The following AMZ2 variants were observed in gnomAD, a reference collection of about 807,000 sequenced individuals.
The protein encoded by AMZ2 is archaelysin family metallopeptidase 2, also known as archaemetzincin-2.
In AMZ2, 26 loss-of-function variants were observed where a neutral mutation model predicts 36.7. That is an observed-to-expected ratio of 0.71 (90% CI 0.52 to 0.98). AMZ2 has a LOEUF of 0.98. Among genes scored for constraint, AMZ2 ranks in the 50% least tolerant of loss-of-function variants. The pLI, the probability that AMZ2 is intolerant of heterozygous loss-of-function variation, is 0.00. For synonymous variants in AMZ2, 144 were observed against 149.1 expected, an observed-to-expected ratio of 0.97 and a Z score of 0.25; for missense variants, 394 against 430.5, an observed-to-expected ratio of 0.92 and a Z score of 0.75.
intron 1 of AMZ2, among the ~76,000 whole-genome samples, chr17:68,231,180 C>T (rs1254566197): frequency 2.6e-5 from 4 of 152,222 alleles, no homozygotes; most frequent in Non-Finnish European, 5.9e-5. Context: ...CCTCCTACCT[C>T]AGCCTCCCGA....
intron 1 of AMZ2, among the ~76,000 whole-genome samples, chr17:68,232,120 T>TA (rs34203351): frequency 0.027 from 2,748 of 100,278 alleles, 79 homozygotes; most frequent in African/African-American, 0.085. Flanking sequence ...CTGAAGTTTG[T>TA]AAAAAAAAAA....
At position 68,220,972 on chromosome 17, in the gene AMZ2, C is replaced by A. The variant is rs190583973; in HGVS notation, c.-67+14734C>A. Among the ~76,000 whole-genome samples the A allele has an allele frequency of 2.2e-3, 332 of 152,000 alleles. 1 individual carries two copies. The highest frequency in any genetic ancestry group is 6.8e-3 in the Middle Eastern group (2 of 294). ...TAATTTTTGTATTCTTTAGTAGAGA[C>A]AAGGTTTCTCCATGTTGGCCAGGCT... On this transcript the variant is annotated intron_variant, in intron 1 of 7. Coordinates refer to the AMZ2 transcript ENST00000674770.
In AMZ2 at chr17:68,235,727, C is replaced by T. The variant is rs150795979; in HGVS notation, c.-66-12913C>T. ...CAGGTGCCAGGAGCAGCGTGTGCCACGTGTGACCCTGCTCTGCTGTGGCTT... is the reference window on the plus strand; with the variant it reads ...CAGGTGCCAGGAGCAGCGTGTGCCATGTGTGACCCTGCTCTGCTGTGGCTT... On this transcript the variant is annotated intron_variant, in intron 1 of 7. Coordinates refer to the AMZ2 transcript ENST00000674770. The surrounding 1 kb of genome is among the most constrained non-coding windows in gnomAD (Gnocchi z 4.2). Among the ~76,000 whole-genome samples, 38 of 152,336 alleles carry T rather than the reference C, an allele frequency of 2.5e-4. No homozygotes were observed. Among genetic ancestry groups the T allele is most frequent in the Non-Finnish European group, 1.9e-4 (13 of 68,030 alleles).
At chr17:68,206,147 C>A in exon 1 of AMZ2, 1 of 1,306,784 alleles carries the variant, frequency 7.7e-7, no homozygotes, top group South Asian at 3.2e-5. Context: ...AGGCTGATTC[C>A]GATTATCTGG....
At chr17:68,254,762 A>G (rs184810904) in intron 5 of AMZ2, among the ~76,000 whole-genome samples, 195 bp downstream of exon 5, 215 of 152,370 alleles carry the variant, frequency 1.4e-3, no homozygotes, top group Non-Finnish European at 2.7e-3. Context: ...TTACAATATC[A>G]GTGCCAGTTT....
At chr17:68,221,723 G>A (rs1490287969) in intron 1 of AMZ2, among the ~76,000 whole-genome samples, 1 of 132,694 alleles carries the variant, frequency 7.5e-6, no homozygotes, top group Admixed American at 7.6e-5. Flanking sequence ...GCAAGACTCT[G>A]TCTTAAAAAA....
Position 68,209,342 on chromosome 17 carries a change from C to T in AMZ2, c.-67+3104C>T, listed in dbSNP as rs2072945841. On this transcript the variant is annotated intron_variant, in intron 1 of 7. Transcript: ENST00000674770. ...CCCAGCAGCTGGGATTACAGGCGCC[C>T]ATCAGCATGCCCGGCTAATTTTTGT... Among the ~76,000 whole-genome samples, 4 of 151,652 alleles carry T rather than the reference C, an allele frequency of 2.6e-5. No individual in the cohort carries two copies. The South Asian group carries it at 8.3e-4, about 32-fold the overall frequency.
Position 68,255,869 on chromosome 17 carries a change from G to C in AMZ2, c.920G>C (p.Arg307Thr), listed in dbSNP as rs1555742660. The change falls in exon 6 of 7, where the codon AGA becomes ACA. Residue 307 changes from arginine (R) to threonine (T), a missense_variant. By Grantham distance (71) the Arg-to-Thr change is moderately conservative. Transcript: ENST00000359904. ...GCTGTTGGCTTCAGCATTGTAGAAA[G>C]ATACAAAGTAAGTTGGGGGGTGGAC... ...QCAVGFSIVE[R>T]YKALVRWIDD... 6.2e-7 allele frequency: 1 copy of C among 1,613,850 alleles called. No homozygotes were observed. The highest frequency in any genetic ancestry group is 8.5e-7 in the Non-Finnish European group (1 of 1,179,972).
Position 68,255,743 on chromosome 17 carries a change from G to A in AMZ2, c.794G>A (p.Cys265Tyr). 6.2e-7 allele frequency: 1 copy of A among 1,614,238 alleles called. No individual in the cohort carries two copies. Among genetic ancestry groups the A allele is most frequent in the East Asian group, 2.2e-5 (1 of 44,882 alleles). ...EIGHIFGLRH[C>Y]QWLACLMQGS... ...GGACACATATTTGGACTGCGACACT[G>A]CCAGTGGCTTGCATGCCTCATGCAA... Residue 265 changes from cysteine (C) to tyrosine (Y), a missense_variant, in exon 6 of 7, where the codon TGC becomes TAC. Transcript: ENST00000359904.
intron 1 of AMZ2, among the ~76,000 whole-genome samples, chr17:68,242,714 A>C (rs1555734312): frequency 1.3e-5 from 2 of 152,294 alleles, no homozygotes; most frequent in East Asian, 1.9e-4. Flanking sequence ...TGCCCAACCA[A>C]GCACATATTT....
Position 68,256,871 on chromosome 17 carries a change from C to T in AMZ2, c.985C>T (p.His329Tyr). 4 of 1,614,130 alleles carry T rather than the reference C, an allele frequency of 2.5e-6. No homozygotes were observed. The highest frequency in any genetic ancestry group is 3.4e-6 in the Non-Finnish European group (4 of 1,180,018). Residue 329 changes from histidine (H) to tyrosine (Y), a missense_variant, in exon 7 of 7, where the codon CAC becomes TAC. Transcript: ENST00000359904. ...TGACACACCTGGAGCAACTCCAGAA[C>T]ACAGTCACGAGGATAATGGGAATTT... ...SSDTPGATPEHSHEDNGNLPK... is the reference protein window; with the variant it reads ...SSDTPGATPEYSHEDNGNLPK...
intron 1 of AMZ2, chr17:68,249,076 G>GA (rs2074243872): frequency 1.7e-6 from 2 of 1,187,056 alleles, no homozygotes; most frequent in Admixed American, 4.5e-5. Flanking sequence ...AACACGATGT[G>GA]AATGGAAGAA....
At chr17:68,209,628 A>ATTTTTTTTTTTTTT (rs1322446681) in intron 1 of AMZ2, among the ~76,000 whole-genome samples, 13 of 98,508 alleles carry the variant, frequency 1.3e-4, no homozygotes, top group African/African-American at 6.0e-4. Flanking sequence ...ATATATATAT[A>ATTTTTTTTTTTTTT]TATATTTTTT....
Position 68,248,335 on chromosome 17 carries a change from G to A in AMZ2, c.-371G>A. The A allele has an allele frequency of 1.0e-6, 1 of 986,062 alleles. No individual in the cohort carries two copies. The highest frequency in any genetic ancestry group is 1.2e-6 in the Non-Finnish European group (1 of 830,154). The allele number at this position is 986,062 out of a possible 1,614,324, so 61.1% of individuals were successfully genotyped here. A position where few individuals can be genotyped will look rare whatever the true frequency, so the allele number is the denominator to read the frequency against. ...AAGAGGCGAAGCGAGAGTCCCTGGGGAACCCCCACTCCACTCCCAGCTGGA... is the reference window on the plus strand; with the variant it reads ...AAGAGGCGAAGCGAGAGTCCCTGGGAAACCCCCACTCCACTCCCAGCTGGA... On this transcript the variant is annotated 5_prime_UTR_variant, in exon 1 of 7. Transcript: ENST00000359904.
At position 68,251,378 on chromosome 17, in the gene AMZ2, G is replaced by T. The variant is rs541247013; in HGVS notation, c.586+200G>T. 7 of 519,448 alleles carry T rather than the reference G, an allele frequency of 1.3e-5. No individual in the cohort carries two copies. In the Admixed American group the frequency reaches 2.6e-4, roughly 19 times the overall value. The allele number at this position is 519,448 out of a possible 1,614,324, so 32.2% of individuals were successfully genotyped here. On this transcript the variant is annotated intron_variant, in intron 4 of 6. Coordinates refer to ENST00000359904, the MANE Select transcript of AMZ2 (RefSeq NM_016627.5). ...CTGGTTGGCCACTCACTACCTACAGGACCTTAAAGGTAACAATACCCACAT... is the reference window on the plus strand; with the variant it reads ...CTGGTTGGCCACTCACTACCTACAGTACCTTAAAGGTAACAATACCCACAT...
At chr17:68,249,919 A>G in intron 1 of AMZ2, 1 of 426,862 alleles carries the variant, frequency 2.3e-6, no homozygotes, top group Non-Finnish European at 4.2e-6. Context: ...AATTACAGGC[A>G]TGAGCCACCA....
At chr17:68,250,165 G>C (rs1211062188) in intron 1 of AMZ2, 23 bp from the exon 2 acceptor site, 2 of 1,601,032 alleles carry the variant, frequency 1.2e-6, no homozygotes, top group Non-Finnish European at 1.7e-6. Context: ...TTTTATATTT[G>C]ATTACTTGCT....
At chr17:68,243,043 CAAAAAAA>C (rs35857340), upstream of AMZ2, among the ~76,000 whole-genome samples, 2 of 105,082 alleles carry the variant, frequency 1.9e-5, no homozygotes, top group Admixed American at 1.1e-4. Context: ...GGCTCTGTCT[CAAAAAAA>C]AAAAAAAAAA....
At chr17:68,224,542 CTTT>C (rs34837469) in intron 1 of AMZ2, among the ~76,000 whole-genome samples, 2 of 137,178 alleles carry the variant, frequency 1.5e-5, no homozygotes, top group Non-Finnish European at 3.1e-5. Context: ...TTGGGGGTAG[CTTT>C]TTTTTTTTTT....
Sources: gnomAD v4.1 joint callset for allele counts (sites outside exome capture counted in the v4.1 genomes callset) on GRCh38, gnomAD v4.1.1 for gene constraint, Gnocchi (gnomAD v3.1) non-coding constraint, MANE v1.5 for transcripts, NCBI Gene and HGNC (gene_info 2026-07-23, HGNC 2026-07-21) for gene names.